The following MACF1 variants were observed in gnomAD, a reference collection of about 807,000 sequenced individuals.
MACF1 encodes microtubule actin crosslinking factor 1.
A neutral mutation model predicts 854.8 loss-of-function variants in MACF1; 193 were observed. The ratio of observed to expected loss-of-function variants is 0.23; its 90% CI spans 0.20 to 0.25. MACF1 has a LOEUF of 0.25. Ranked by LOEUF, MACF1 falls within the 10% of genes least tolerant of loss-of-function variation. The pLI is 1.00. For missense variants in MACF1, 7,722 were observed against 8,929.1 expected (o/e 0.86, Z 5.45); for synonymous variants, 3,185 against 3,226.7 (o/e 0.99, Z 0.44).
rs1443825771 is a variant in MACF1, at chr1:39,310,930, A to T, written c.3200A>T (p.Gln1067Leu). The stretch of plus-strand genomic sequence containing the variant: ...GAACAGAGGGTGGTCAAACGAATTC[A>T]GTCTCTAGCCAGCTCTAGGACTGAC... ...EYEQRVVKRI[Q>L]SLASSRTDRD... The change falls in exon 26 of 101, where the codon CAG becomes CTG. Residue 1067 changes from glutamine (Q) to leucine (L), a missense_variant. By Grantham distance (113) the Gln-to-Leu change is moderately radical (BLOSUM62 -2). This residue lies in a region of MACF1 where 1,137 missense variants were observed against 1,263.0 expected (regional missense o/e 0.90). Coordinates refer to ENST00000564288, the MANE Select transcript of MACF1 (RefSeq NM_001394062.1). 3.1e-6 allele frequency: 5 copies of T among 1,614,114 alleles called. No homozygotes were observed. Among genetic ancestry groups the T allele is most frequent in the Non-Finnish European group, 3.4e-6 (4 of 1,180,040 alleles).
At chr1:39,179,452 A>T (rs568685674) in intron 2 of MACF1, among the ~76,000 whole-genome samples, 1 of 152,322 alleles carries the variant, frequency 6.6e-6, no homozygotes, top group East Asian at 1.9e-4. Flanking sequence ...TCTGCTACTT[A>T]TTAGCTATGT....
intron 33 of MACF1, 56 bp from the exon 34 acceptor site, chr1:39,324,137 G>A (rs547935535): frequency 2.7e-5 from 40 of 1,509,298 alleles, no homozygotes; most frequent in African/African-American, 1.5e-4. Context: ...ATCTGAAGTC[G>A]TGCCAGCCTA....
chr1:39,439,805 C>T (rs575243135), intron 72 of MACF1, among the ~76,000 whole-genome samples: 30 of 152,080 alleles, frequency 2.0e-4, no homozygotes, highest in African/African-American at 7.2e-4. Flanking sequence ...AGGGTTTCCC[C>T]ATGTTGACCA....
At chr1:39,145,696 C>T (rs1463613668) in intron 2 of MACF1, among the ~76,000 whole-genome samples, 3 of 152,204 alleles carry the variant, frequency 2.0e-5, no homozygotes, top group East Asian at 3.8e-4. Context: ...CATCTTGTCA[C>T]AGCATCTGAC....
intron 84 of MACF1, among the ~76,000 whole-genome samples, chr1:39,449,905 G>A (rs1221544961): frequency 1.3e-5 from 2 of 151,896 alleles, no homozygotes; most frequent in East Asian, 3.9e-4. Context: ...TGTCATCCAG[G>A]CTGGAGTGCA....
Position 39,209,447 on chromosome 1 carries a change from A to G in MACF1, c.109+4316A>G, listed in dbSNP as rs1020348820. On this transcript the variant is annotated intron_variant, in intron 1 of 100. Transcript: ENST00000564288. ...ACATTGTGATAGTGTAAACAGGAAA[A>G]GAGCTTTATGGTTTTTTTCCTCTCT... is the stretch of plus-strand genomic sequence containing the variant. Among the ~76,000 whole-genome samples the G allele has an allele frequency of 3.3e-5, 5 of 152,134 alleles. No individual in the cohort carries two copies. In the South Asian group the frequency reaches 6.2e-4, roughly 19 times the overall value.
At chr1:39,336,773 C>T in intron 37 of MACF1, 120 bp downstream of exon 37, 1 of 905,950 alleles carries the variant, frequency 1.1e-6, no homozygotes, top group East Asian at 2.7e-5. Context: ...TTTTAAGGCA[C>T]TAGATGATTC....
rs891673062 is a variant in MACF1, at chr1:39,301,513, C to T, written c.2634+1151C>T. On this transcript the variant is annotated intron_variant, in intron 22 of 100. Coordinates refer to ENST00000564288, the MANE Select transcript of MACF1 (RefSeq NM_001394062.1). ...CCATCTCAGCTCACTGCAACCTCTGCCCCCTGGGTTCAAGTGATTATCCTG... is the reference window on the plus strand; with the variant it reads ...CCATCTCAGCTCACTGCAACCTCTGTCCCCTGGGTTCAAGTGATTATCCTG... Among the ~76,000 whole-genome samples the T allele has an allele frequency of 2.0e-5, 3 of 152,006 alleles. No individual in the cohort carries two copies. The East Asian group carries it at 5.8e-4, about 29-fold the overall frequency.
intron 58 of MACF1, among the ~76,000 whole-genome samples, chr1:39,389,401 C>T (rs1237686711): frequency 7.5e-6 from 1 of 133,668 alleles, no homozygotes; most frequent in Admixed American, 8.4e-5. Context: ...GCTCTGTAGC[C>T]CAGGTTGGAG....
At position 39,424,175 on chromosome 1, in the gene MACF1, C is replaced by G. The variant is rs745379506; in HGVS notation, c.16297C>G (p.Leu5433Val). Residue 5433 changes from leucine to valine, a missense_variant, in exon 61 of 101, where the codon CTC becomes GTC. Leu to Val is a conservative substitution (Grantham distance 32). Coordinates refer to ENST00000564288, the MANE Select transcript of MACF1 (RefSeq NM_001394062.1). ...ESLESRWTEL[L>V]SKAAARQKQL... Reference sequence around the variant, plus strand: ...TCTTGAAAGTAGATGGACTGAACTACTCAGTAAGGCAGCAGCCAGGTAAGA... The same window carrying G: ...TCTTGAAAGTAGATGGACTGAACTAGTCAGTAAGGCAGCAGCCAGGTAAGA... 15 of 1,613,452 alleles carry G rather than the reference C, an allele frequency of 9.3e-6. No individual in the cohort carries two copies. The highest frequency in any genetic ancestry group is 1.3e-5 in the Non-Finnish European group (15 of 1,179,816).
chr1:39,320,634 A>G (rs1260948997), intron 31 of MACF1, among the ~76,000 whole-genome samples: 1 of 152,142 alleles, frequency 6.6e-6, no homozygotes, highest in Non-Finnish European at 1.5e-5. Context: ...GCCGTGAATG[A>G]TTTAGCTCTC....
intron 94 of MACF1, chr1:39,464,148 C>T (rs1180878898): frequency 6.2e-6 from 1 of 162,492 alleles, no homozygotes; most frequent in African/African-American, 2.4e-5. Context: ...AGACATCAGG[C>T]TCAGTGGTCT....
intron 5 of MACF1, chr1:39,254,672 A>G (rs768534496): frequency 1.2e-5 from 4 of 329,514 alleles, no homozygotes; most frequent in Non-Finnish European, 2.2e-5. Flanking sequence ...TGAAAAATAA[A>G]CTAGAAAAGA....
At chr1:39,364,492 G>T (rs147091384) in intron 49 of MACF1, among the ~76,000 whole-genome samples, 61 of 151,340 alleles carry the variant, frequency 4.0e-4, no homozygotes, top group African/African-American at 1.4e-3. Flanking sequence ...ATGTAAACGT[G>T]GAATTTTTTT....
At chr1:39,317,936 A>G (rs932620177) in intron 29 of MACF1, among the ~76,000 whole-genome samples, 1 of 152,240 alleles carries the variant, frequency 6.6e-6, no homozygotes, top group African/African-American at 2.4e-5. Context: ...TTAACAACTC[A>G]TAAGTTTTCA....
chr1:39,163,360 A>AAT (rs376459592), intron 2 of MACF1, among the ~76,000 whole-genome samples: 26 of 144,382 alleles, frequency 1.8e-4, no homozygotes, highest in African/African-American at 3.6e-4. Flanking sequence ...AAAAAAAAAA[A>AAT]GAAAAGAAAA....
In MACF1 at chr1:39,459,238, C is replaced by A; in HGVS notation, c.21349C>A (p.Arg7117=). 1 of 1,612,874 alleles carries A rather than the reference C, an allele frequency of 6.2e-7. No individual in the cohort carries two copies. Among genetic ancestry groups the A allele is most frequent in the Non-Finnish European group, 8.5e-7 (1 of 1,179,482 alleles). ...AAGGAAACTGAATGATGCCTTGGAT[C>A]GGCTGGAGGAGGTAATGCCCTGCTG... ...RQRKLNDALD[R]LEELKEFANF... Residue 7117 remains arginine, a synonymous_variant, in exon 91 of 101, where the codon CGG becomes AGG. Transcript: ENST00000564288.
intron 56 of MACF1, among the ~76,000 whole-genome samples, chr1:39,383,816 A>G (rs923091990): frequency 9.9e-5 from 15 of 151,854 alleles, no homozygotes; most frequent in Non-Finnish European, 1.8e-4. Flanking sequence ...GGCGAAGCTG[A>G]CAGTGAGCCG....
At position 39,480,028 on chromosome 1, in the gene MACF1, T is replaced by C. The variant is rs1463070103; in HGVS notation, c.22170+19T>C. ...AACCAAGGTATGTACTGATCTCCAT[T>C]ATGCCCTTCTTCCCCAATCCCACCC... On this transcript the variant is annotated intron_variant, in intron 98 of 100. Coordinates refer to ENST00000564288, the MANE Select transcript of MACF1 (RefSeq NM_001394062.1). 1.5e-5 allele frequency: 24 copies of C among 1,607,220 alleles called. No individual in the cohort carries two copies. Among genetic ancestry groups the C allele is most frequent in the Non-Finnish European group, 2.0e-5 (23 of 1,173,918 alleles).
Sources: gnomAD v4.1 joint callset for allele counts (sites outside exome capture counted in the v4.1 genomes callset) on GRCh38, gnomAD v4.1.1 for gene constraint, gnomAD v4.1.1 regional missense constraint, MANE v1.5 for transcripts, NCBI Gene and HGNC (gene_info 2026-07-23, HGNC 2026-07-21) for gene names.